Variants in IQCM observed in about 807,000 individuals in gnomAD.
IQCM encodes IQ domain-containing protein M.
A neutral mutation model predicts 57.6 loss-of-function variants in IQCM; 45 were observed. That is an observed-to-expected ratio of 0.78 (90% confidence interval 0.62 to 1.00). IQCM has a LOEUF of 1.00. IQCM is among the 50% of genes least tolerant of loss of function. The pLI is 0.00. For missense variants in IQCM, 468 were observed against 511.6 expected, an observed-to-expected ratio of 0.91 and a Z score of 0.82; for synonymous variants, 148 against 158.9, an observed-to-expected ratio of 0.93 and a Z score of 0.51.
intron 2 of IQCM, among the ~76,000 whole-genome samples, chr4:149,786,679 A>T (rs575231485): frequency 1.3e-5 from 2 of 152,304 alleles, no homozygotes; most frequent in African/African-American, 4.8e-5. Flanking sequence ...CTCAGGAAAC[A>T]ATAGATGCTG....
chr4:149,707,522 G>A (rs1200342071), intron 5 of IQCM, among the ~76,000 whole-genome samples: 1 of 151,896 alleles, frequency 6.6e-6, no homozygotes, highest in Non-Finnish European at 1.5e-5. Flanking sequence ...GGGCATCCTT[G>A]AGGAATGAAG....
In IQCM at chr4:149,563,827, G is replaced by A. The variant is rs1420211536; in HGVS notation, c.813C>T (p.His271=). Residue 271 remains histidine (H), a synonymous_variant, in exon 10 of 14, where the codon CAC becomes CAT. Transcript: ENST00000636793. ...LDSKVKRIGP[H]IEIFQVFRER... is the part of the protein sequence containing the mutation. Reference sequence around the variant, plus strand: ...CTCGGAACACTTGGAAGATTTCTATGTGTGGTCCAATTCTTTTAACTTTAC... The same window carrying A: ...CTCGGAACACTTGGAAGATTTCTATATGTGGTCCAATTCTTTTAACTTTAC... The A allele has an allele frequency of 2.4e-6, 3 of 1,231,550 alleles. No homozygotes were observed. The highest frequency in any genetic ancestry group is 3.0e-6 in the Non-Finnish European group (3 of 987,674). The allele number at this position is 1,231,550 out of a possible 1,614,324, so 76.3% of individuals were successfully genotyped here. A position where few individuals can be genotyped will look rare whatever the true frequency, so the allele number is the denominator to read the frequency against.
intron 13 of IQCM, among the ~76,000 whole-genome samples, chr4:149,412,380 A>T (rs1225048557): frequency 1.3e-5 from 2 of 151,998 alleles, no homozygotes. Context: ...GATTACCTAG[A>T]CCCCTCCCAA....
chr4:149,469,701 A>G (rs1364195753), intron 12 of IQCM, among the ~76,000 whole-genome samples: 1 of 152,186 alleles, frequency 6.6e-6, no homozygotes, highest in South Asian at 2.1e-4. Context: ...ATGAAGGAAA[A>G]AATGTTAAGG....
At chr4:149,541,734 AT>A (rs1432795076) in intron 12 of IQCM, among the ~76,000 whole-genome samples, 1 of 151,960 alleles carries the variant, frequency 6.6e-6, no homozygotes, top group Non-Finnish European at 1.5e-5. Context: ...TCAGTCACAA[AT>A]TTTTTTGTTA....
intron 8 of IQCM, among the ~76,000 whole-genome samples, chr4:149,605,486 CATCTTG>C (rs1754693674): frequency 6.6e-6 from 1 of 152,126 alleles, no homozygotes; most frequent in Non-Finnish European, 1.5e-5. Flanking sequence ...GTTGAATATA[CATCTTG>C]ATCTATTTAC....
Position 149,433,826 on chromosome 4 carries a change from C to A in IQCM, c.1229-269G>T, listed in dbSNP as rs113243288. ...AAGGCTGTGAAAAAAAATAAGATAC[C>A]CAACGAACAGCATTCACATTATAGA... On this transcript the variant is annotated intron_variant, in intron 12 of 13. Coordinates refer to ENST00000636793, the MANE Select transcript of IQCM (RefSeq NM_001363507.2). Among the ~76,000 whole-genome samples, 31 of 151,898 alleles carry A rather than the reference C, an allele frequency of 2.0e-4. 1 individual carries two copies. The highest frequency in any genetic ancestry group is 7.2e-4 in the African/African-American group (30 of 41,484).
intron 7 of IQCM, among the ~76,000 whole-genome samples, chr4:149,633,118 G>A (rs1413671496): frequency 3.2e-5 from 4 of 125,986 alleles, no homozygotes; most frequent in East Asian, 2.5e-4. Flanking sequence ...CCGAGATTGC[G>A]CCACTGCAGT....
intron 13 of IQCM, among the ~76,000 whole-genome samples, chr4:149,353,537 T>A (rs980155779): frequency 6.6e-6 from 1 of 152,200 alleles, no homozygotes; most frequent in Non-Finnish European, 1.5e-5. Context: ...ACAACCTTAA[T>A]ATATTTCATT....
At chr4:149,358,880 A>G (rs1163539969) in intron 13 of IQCM, among the ~76,000 whole-genome samples, 1 of 151,090 alleles carries the variant, frequency 6.6e-6, no homozygotes, top group Admixed American at 6.6e-5. Context: ...GTATATCATG[A>G]GACCACAGTG....
At chr4:149,440,123 T>A (rs1005281680) in intron 12 of IQCM, among the ~76,000 whole-genome samples, 4 of 126,370 alleles carry the variant, frequency 3.2e-5, no homozygotes, top group Non-Finnish European at 4.9e-5. Flanking sequence ...TGCCCGGCCT[T>A]TTTTTTTTTT....
intron 13 of IQCM, among the ~76,000 whole-genome samples, chr4:149,407,830 T>A (rs1334201033): frequency 6.6e-6 from 1 of 152,084 alleles, no homozygotes; most frequent in Non-Finnish European, 1.5e-5. Flanking sequence ...AAACACAGGA[T>A]TTTTTATATA....
At chr4:149,747,920 A>C (rs970665386) in intron 2 of IQCM, among the ~76,000 whole-genome samples, 2 of 152,206 alleles carry the variant, frequency 1.3e-5, no homozygotes, top group African/African-American at 2.4e-5. Flanking sequence ...CAAAGCTCAG[A>C]GTCTAGGAGC....
At chr4:149,390,676 A>G (rs1235852278) in intron 13 of IQCM, among the ~76,000 whole-genome samples, 2 of 151,954 alleles carry the variant, frequency 1.3e-5, no homozygotes, top group Non-Finnish European at 2.9e-5. Context: ...GCATTGAGAT[A>G]ATCATGTGGT....
chr4:149,618,476 T>C (rs927443822), intron 8 of IQCM, among the ~76,000 whole-genome samples: 1 of 151,946 alleles, frequency 6.6e-6, no homozygotes, highest in African/African-American at 2.4e-5. Context: ...CAAAAGGAAA[T>C]GCAATGAAAA....
chr4:149,564,403 T>A (rs1215314880), intron 9 of IQCM, among the ~76,000 whole-genome samples: 4 of 152,172 alleles, frequency 2.6e-5, no homozygotes, highest in African/African-American at 9.7e-5. Context: ...CTGCAAACGA[T>A]GACCAGTCTG....
At chr4:149,736,216 G>A (rs920275508) in intron 3 of IQCM, among the ~76,000 whole-genome samples, 2 of 152,016 alleles carry the variant, frequency 1.3e-5, no homozygotes, top group African/African-American at 4.8e-5. Context: ...CCAAAGTGCT[G>A]GGATTACAGG....
intron 12 of IQCM, among the ~76,000 whole-genome samples, chr4:149,542,163 G>A (rs1367072266): frequency 6.6e-6 from 1 of 151,956 alleles, no homozygotes; most frequent in Non-Finnish European, 1.5e-5. Context: ...AATATAATTA[G>A]ACATATATTT....
intron 3 of IQCM, among the ~76,000 whole-genome samples, chr4:149,735,970 CAG>C (rs1766903487): frequency 7.0e-6 from 1 of 142,188 alleles, no homozygotes; most frequent in South Asian, 2.2e-4. Flanking sequence ...TTTTGTGAGA[CAG>C]AGTCTCCCTC....
Sources: gnomAD v4.1 joint callset for allele counts (sites outside exome capture counted in the v4.1 genomes callset) on GRCh38, gnomAD v4.1.1 for gene constraint, MANE v1.5 for transcripts, NCBI Gene and HGNC (gene_info 2026-07-23, HGNC 2026-07-21) for gene names.